The following LTBP1 variants were observed in gnomAD, a reference collection of about 807,000 sequenced individuals.
LTBP1 encodes the protein latent transforming growth factor beta binding protein 1, also known as latent-transforming growth factor beta-binding protein 1.
LTBP1 carries 129 observed loss-of-function variants against 207.6 expected under a neutral mutation model. The ratio of observed to expected loss-of-function variants is 0.62; its 90% CI spans 0.54 to 0.72. LTBP1 has a LOEUF of 0.72. Among genes scored for constraint, LTBP1 ranks in the 30% least tolerant of loss-of-function variants. The pLI, the probability that LTBP1 is intolerant of heterozygous loss-of-function variation, is 0.00. For missense variants in LTBP1, 2,281 were observed against 2,217.2 expected, an observed-to-expected ratio of 1.03 and a Z score of -0.58; for synonymous variants, 963 against 833.7, an observed-to-expected ratio of 1.16 and a Z score of -2.67.
At chr2:32,997,387 G>A (rs1461853079) in intron 2 of LTBP1, among the ~76,000 whole-genome samples, 1 of 152,194 alleles carries the variant, frequency 6.6e-6, no homozygotes, top group Admixed American at 6.5e-5. Flanking sequence ...GGGCATGCCT[G>A]TAGTCCTAGC....
intron 2 of LTBP1, among the ~76,000 whole-genome samples, chr2:32,957,488 G>A (rs1489655631): frequency 6.6e-6 from 1 of 152,182 alleles, no homozygotes; most frequent in Admixed American, 6.5e-5. Flanking sequence ...CGGCTGGTCG[G>A]TGGAGCAGTC....
At chr2:33,064,558 A>T (rs530102647) in intron 3 of LTBP1, among the ~76,000 whole-genome samples, 1 of 152,174 alleles carries the variant, frequency 6.6e-6, no homozygotes, top group Non-Finnish European at 1.5e-5. Context: ...TTTGTGTCGC[A>T]GTTGAGGAAC....
chr2:33,044,526 T>G (rs1022955158), intron 3 of LTBP1, among the ~76,000 whole-genome samples: 4 of 152,236 alleles, frequency 2.6e-5, no homozygotes, highest in African/African-American at 9.6e-5. Context: ...GATGAGCATT[T>G]GGGTTGATTC....
intron 19 of LTBP1, among the ~76,000 whole-genome samples, chr2:33,289,360 TTTTC>T (rs1331324259): frequency 3.9e-5 from 6 of 152,222 alleles, no homozygotes; most frequent in African/African-American, 1.4e-4. Flanking sequence ...TCCATTTTTC[TTTTC>T]TTTCTTTTTT....
intron 4 of LTBP1, among the ~76,000 whole-genome samples, chr2:33,111,384 T>C (rs2080390319): frequency 6.6e-6 from 1 of 152,164 alleles, no homozygotes; most frequent in Non-Finnish European, 1.5e-5. Flanking sequence ...GGAGAAAACG[T>C]TCTGGAGTAA....
chr2:33,028,520 T>G (rs1375215636), intron 3 of LTBP1, among the ~76,000 whole-genome samples: 1 of 152,066 alleles, frequency 6.6e-6, no homozygotes, highest in Non-Finnish European at 1.5e-5. Flanking sequence ...ATACAAAAAT[T>G]AGCTGGGCAT....
At chr2:33,198,135 T>C (rs1263763295) in intron 7 of LTBP1, among the ~76,000 whole-genome samples, 1 of 152,188 alleles carries the variant, frequency 6.6e-6, no homozygotes, top group Non-Finnish European at 1.5e-5. Flanking sequence ...AAACAAACTT[T>C]TCTGCATCTA....
At chr2:32,953,448 G>A (rs1161298709) in intron 2 of LTBP1, among the ~76,000 whole-genome samples, 7 of 152,322 alleles carry the variant, frequency 4.6e-5, no homozygotes, top group East Asian at 1.9e-4. Context: ...GGGCCACCCC[G>A]GCCCCCATGT....
At chr2:33,346,960 C>T (rs959453422) in intron 25 of LTBP1, among the ~76,000 whole-genome samples, 1 of 151,724 alleles carries the variant, frequency 6.6e-6, no homozygotes, top group Non-Finnish European at 1.5e-5. Flanking sequence ...ACTTAAAATA[C>T]AAAACAAATT....
At chr2:33,225,923 T>C (rs1346077283) in intron 9 of LTBP1, among the ~76,000 whole-genome samples, 7 of 152,236 alleles carry the variant, frequency 4.6e-5, no homozygotes, top group Admixed American at 4.6e-4. Flanking sequence ...CATTCATTTT[T>C]ATGACTGATT....
intron 5 of LTBP1, among the ~76,000 whole-genome samples, chr2:33,173,216 A>G (rs372646239): frequency 7.2e-5 from 11 of 151,988 alleles, no homozygotes; most frequent in East Asian, 1.9e-4. Flanking sequence ...GAATCCAGGA[A>G]CTGGTTTTTT....
chr2:33,187,099 G>A lies in LTBP1; in HGVS notation c.1426+19G>A, dbSNP rs773622021. Reference sequence around the variant, plus strand: ...GTCAAAGGTAAGCTTTTTTCATTCCGCCCATTTGCCAGACCTCTGTTAACC... The same window carrying A: ...GTCAAAGGTAAGCTTTTTTCATTCCACCCATTTGCCAGACCTCTGTTAACC... On this transcript the variant is annotated intron_variant, in intron 6 of 33. Transcript: ENST00000404816. 53 of 1,606,722 alleles carry A rather than the reference G, an allele frequency of 3.3e-5. No homozygotes were observed. Among genetic ancestry groups the A allele is most frequent in the South Asian group, 2.4e-4 (22 of 90,586 alleles).
intron 2 of LTBP1, among the ~76,000 whole-genome samples, chr2:33,002,150 G>A (rs1686131219): frequency 1.2e-5 from 1 of 81,220 alleles, no homozygotes; most frequent in South Asian, 4.7e-4. Context: ...TATAATTATT[G>A]TTATATTAAA....
intron 19 of LTBP1, among the ~76,000 whole-genome samples, chr2:33,284,411 C>G (rs1043152775): frequency 6.6e-6 from 1 of 152,146 alleles, no homozygotes; most frequent in Non-Finnish European, 1.5e-5. Flanking sequence ...CTTCTGTTAA[C>G]GTAGCTTCTT....
intron 5 of LTBP1, among the ~76,000 whole-genome samples, chr2:33,139,547 A>G (rs1413039317): frequency 6.6e-6 from 1 of 152,160 alleles, no homozygotes; most frequent in Admixed American, 6.5e-5. Context: ...GAGAAAAGAG[A>G]TGGCATGCAG....
chr2:33,356,505 C>T (rs1275943457), intron 26 of LTBP1, among the ~76,000 whole-genome samples: 3 of 152,108 alleles, frequency 2.0e-5, no homozygotes, highest in African/African-American at 7.2e-5. Flanking sequence ...TGGTGAAACC[C>T]TGTCTCTACT....
intron 3 of LTBP1, 109 bp downstream of exon 3, chr2:33,021,315 A>T: frequency 1.9e-6 from 2 of 1,045,220 alleles, no homozygotes; most frequent in Non-Finnish European, 2.7e-6. Context: ...AATCACTTGG[A>T]TAATAATGTT....
At chr2:33,310,405 A>G (rs11888834) in intron 23 of LTBP1, among the ~76,000 whole-genome samples, 1,923 of 152,372 alleles carry the variant, frequency 0.013, 35 homozygotes, top group African/African-American at 0.043. Context: ...CAACACAGGT[A>G]CTAATAATAA....
chr2:33,370,592 T>G (rs930080416), intron 31 of LTBP1, among the ~76,000 whole-genome samples: 1 of 152,222 alleles, frequency 6.6e-6, no homozygotes, highest in Non-Finnish European at 1.5e-5. Context: ...GGTAGTTATC[T>G]ATCATAAAGG....
Sources: gnomAD v4.1 joint callset for allele counts (sites outside exome capture counted in the v4.1 genomes callset) on GRCh38, gnomAD v4.1.1 for gene constraint, MANE v1.5 for transcripts, NCBI Gene and HGNC (gene_info 2026-07-23, HGNC 2026-07-21) for gene names.